Variants in CMTM8 observed in about 807,000 individuals in gnomAD.
The protein encoded by CMTM8 is CKLF-like MARVEL transmembrane domain-containing protein 8.
In CMTM8, 12 loss-of-function variants were observed where a neutral mutation model predicts 18.6. The ratio of observed to expected loss-of-function variants is 0.65; its 90% CI spans 0.41 to 1.05. The LOEUF (loss-of-function observed/expected upper bound fraction) is 1.05, where lower values mean the gene tolerates loss of function less well. Among genes scored for constraint, CMTM8 ranks in the 50% least tolerant of loss-of-function variants. The probability of loss-of-function intolerance (pLI) is 0.00; values close to 1 mark genes in which losing one functional copy is unlikely to be tolerated. For missense variants in CMTM8, 217 were observed against 227.2 expected, an observed-to-expected ratio of 0.95 and a Z score of 0.29; for synonymous variants, 87 against 90.6, an observed-to-expected ratio of 0.96 and a Z score of 0.23.
At chr3:32,345,511 G>A (rs989858329) in intron 1 of CMTM8, among the ~76,000 whole-genome samples, 1 of 152,136 alleles carries the variant, frequency 6.6e-6, no homozygotes, top group Non-Finnish European at 1.5e-5. Context: ...AGCTGTGTTA[G>A]TAATACTGTA....
chr3:32,267,383 A>G (rs1702365774), intron 1 of CMTM8, among the ~76,000 whole-genome samples: 1 of 152,246 alleles, frequency 6.6e-6, no homozygotes, highest in Admixed American at 6.5e-5. Context: ...GGTGCTGGGA[A>G]AACTGACTAG....
At chr3:32,336,745 G>A (rs1181246280) in intron 1 of CMTM8, among the ~76,000 whole-genome samples, 1 of 152,142 alleles carries the variant, frequency 6.6e-6, no homozygotes, top group Non-Finnish European at 1.5e-5. Context: ...TTTCCTGTAA[G>A]CCTTTATCTC....
chr3:32,258,419 A>G (rs1702203936), intron 1 of CMTM8, among the ~76,000 whole-genome samples: 1 of 152,218 alleles, frequency 6.6e-6, no homozygotes, highest in Non-Finnish European at 1.5e-5. Context: ...AGACATTTTG[A>G]ACATATATAA....
At chr3:32,281,920 C>T (rs1010644712) in intron 1 of CMTM8, among the ~76,000 whole-genome samples, 2 of 151,888 alleles carry the variant, frequency 1.3e-5, no homozygotes, top group African/African-American at 4.9e-5. Context: ...CATCTTCTTT[C>T]CTGGTGCCTC....
At chr3:32,274,898 G>T (rs760426523) in intron 1 of CMTM8, among the ~76,000 whole-genome samples, 2 of 152,178 alleles carry the variant, frequency 1.3e-5, no homozygotes, top group African/African-American at 2.4e-5. Flanking sequence ...TTCAGGTTAT[G>T]TGTTGTTGGC....
intron 1 of CMTM8, among the ~76,000 whole-genome samples, chr3:32,309,968 T>C (rs754765793): frequency 6.6e-6 from 1 of 152,206 alleles, no homozygotes; most frequent in Non-Finnish European, 1.5e-5. Context: ...CAGCCCTGCT[T>C]TCTGCAGGAC....
chr3:32,362,674 G>T (rs1696958799), intron 2 of CMTM8, among the ~76,000 whole-genome samples: 1 of 152,210 alleles, frequency 6.6e-6, no homozygotes, highest in Non-Finnish European at 1.5e-5. Context: ...GGTCTTGGCA[G>T]TCTTTTCAGC....
In CMTM8 at chr3:32,259,834, G is replaced by A. The variant is rs536571470; in HGVS notation, c.147+20715G>A. 1.8e-4 allele frequency: 144 copies of A among 817,658 alleles called. No homozygotes were observed. In the African/African-American group the frequency reaches 2.1e-3, roughly 12 times the overall value. The allele number at this position is 817,658 out of a possible 1,614,324, so 50.7% of individuals were successfully genotyped here. On this transcript the variant is annotated intron_variant, in intron 1 of 3. Coordinates refer to ENST00000307526, the MANE Select transcript of CMTM8 (RefSeq NM_178868.5). ...CTGCTGAGATGCCACTCACGGAGCTGAGACATGCAGTCCAGTCCTTGGAGA... is the reference window on the plus strand; with the variant it reads ...CTGCTGAGATGCCACTCACGGAGCTAAGACATGCAGTCCAGTCCTTGGAGA...
At chr3:32,325,315 G>C (rs1235199538) in intron 1 of CMTM8, among the ~76,000 whole-genome samples, 2 of 152,180 alleles carry the variant, frequency 1.3e-5, no homozygotes, top group Non-Finnish European at 2.9e-5. Context: ...AGTTACAGGG[G>C]GGAAAGTTCC....
At chr3:32,267,038 T>C (rs937946332) in intron 1 of CMTM8, among the ~76,000 whole-genome samples, 1 of 152,102 alleles carries the variant, frequency 6.6e-6, no homozygotes, top group Non-Finnish European at 1.5e-5. Context: ...AGGTAATTTA[T>C]AGATTCAATG....
At chr3:32,311,983 A>G (rs1208858221) in intron 1 of CMTM8, among the ~76,000 whole-genome samples, 1 of 152,248 alleles carries the variant, frequency 6.6e-6, no homozygotes, top group Non-Finnish European at 1.5e-5. Context: ...TAAAGAAAAA[A>G]GGATGACTCA....
intron 1 of CMTM8, among the ~76,000 whole-genome samples, chr3:32,273,099 A>G (rs944162502): frequency 2.7e-5 from 4 of 150,712 alleles, no homozygotes; most frequent in Admixed American, 1.3e-4. Flanking sequence ...AGTAACAAGT[A>G]TTGGCAAGGG....
intron 1 of CMTM8, among the ~76,000 whole-genome samples, chr3:32,245,328 T>C (rs2125527792): frequency 6.6e-6 from 1 of 152,364 alleles, no homozygotes; most frequent in East Asian, 1.9e-4. Flanking sequence ...CTTGTCAAAA[T>C]CGCTTGCTCT....
chr3:32,299,551 C>A (rs955988776), intron 1 of CMTM8, among the ~76,000 whole-genome samples: 20 of 152,178 alleles, frequency 1.3e-4, no homozygotes, highest in African/African-American at 4.8e-4. Flanking sequence ...TTGATGCAGG[C>A]ATGCAGTGCG....
At chr3:32,319,996 A>G (rs1484055264) in intron 1 of CMTM8, among the ~76,000 whole-genome samples, 2 of 152,234 alleles carry the variant, frequency 1.3e-5, no homozygotes. Flanking sequence ...TAGGAGAGGC[A>G]GCACCAGGAA....
chr3:32,305,344 C>A (rs1454703462), intron 1 of CMTM8, among the ~76,000 whole-genome samples: 1 of 151,398 alleles, frequency 6.6e-6, no homozygotes, highest in Non-Finnish European at 1.5e-5. Context: ...CATTCTCCTG[C>A]GACTGGAGAC....
intron 1 of CMTM8, among the ~76,000 whole-genome samples, chr3:32,349,719 T>TTGGCC (rs537780952): frequency 2.0e-4 from 31 of 152,240 alleles, no homozygotes; most frequent in Non-Finnish European, 3.4e-4. Flanking sequence ...AATAATTTTA[T>TTGGCC]TGGCCAGGCC....
At chr3:32,284,487 A>G (rs34623919) in intron 1 of CMTM8, among the ~76,000 whole-genome samples, 15,109 of 152,206 alleles carry the variant, frequency 0.099, 882 homozygotes, top group African/African-American at 0.16. Flanking sequence ...CCTTTGCATT[A>G]TATCTCATAA....
chr3:32,301,185 A>G (rs143420516), intron 1 of CMTM8, among the ~76,000 whole-genome samples: 69 of 152,236 alleles, frequency 4.5e-4, no homozygotes, highest in Admixed American at 1.0e-3. Flanking sequence ...TTCCAGCCTT[A>G]TCCCGGCATT....
Sources: gnomAD v4.1 joint callset for allele counts (sites outside exome capture counted in the v4.1 genomes callset) on GRCh38, gnomAD v4.1.1 for gene constraint, MANE v1.5 for transcripts, NCBI Gene and HGNC (gene_info 2026-07-23, HGNC 2026-07-21) for gene names.